TNIK: variants seen among roughly 807,000 people sequenced by gnomAD.
The protein encoded by TNIK is TRAF2 and NCK interacting kinase, also known as TRAF2 and NCK-interacting protein kinase.
TNIK carries 49 observed loss-of-function variants against 191.3 expected under a neutral mutation model. The ratio of observed to expected loss-of-function variants is 0.26; its 90% confidence interval spans 0.20 to 0.32. The LOEUF is 0.32. TNIK is among the 10% of genes least tolerant of loss of function. The pLI, the probability that TNIK is intolerant of heterozygous loss-of-function variation, is 1.00. For missense variants in TNIK, 1,155 were observed against 1,702.3 expected (o/e 0.68, Z 5.66); for synonymous variants, 594 against 600.9 (o/e 0.99, Z 0.17).
chr3:171,119,929 C>T (rs1408043126), intron 18 of TNIK, among the ~76,000 whole-genome samples: 1 of 152,086 alleles, frequency 6.6e-6, no homozygotes, highest in African/African-American at 2.4e-5. Context: ...CACATGTACC[C>T]TAAAACTTAA....
chr3:171,093,082 T>C (rs1390743054), intron 23 of TNIK, among the ~76,000 whole-genome samples: 2 of 152,240 alleles, frequency 1.3e-5, no homozygotes, highest in East Asian at 3.8e-4. Context: ...ATTTGCCCAA[T>C]GTTCTCAGCC....
chr3:171,339,203 T>C (rs1406893384), intron 2 of TNIK, among the ~76,000 whole-genome samples: 1 of 152,210 alleles, frequency 6.6e-6, no homozygotes, highest in Non-Finnish European at 1.5e-5. Flanking sequence ...GAACCTGCCA[T>C]GTGTGGGCTG....
chr3:171,090,679 T>A (rs962982488), intron 23 of TNIK, among the ~76,000 whole-genome samples: 1 of 152,152 alleles, frequency 6.6e-6, no homozygotes, highest in African/African-American at 2.4e-5. Flanking sequence ...AAAATACCTC[T>A]TCCAGCAGAT....
intron 2 of TNIK, among the ~76,000 whole-genome samples, chr3:171,280,681 T>A (rs1475251610): frequency 3.3e-5 from 5 of 150,408 alleles, no homozygotes; most frequent in African/African-American, 9.7e-5. Flanking sequence ...TCCAAAAGAA[T>A]GATCTTTCAG....
intron 1 of TNIK, among the ~76,000 whole-genome samples, chr3:171,437,853 T>C (rs1726215409): frequency 1.3e-5 from 2 of 152,242 alleles, no homozygotes; most frequent in South Asian, 4.1e-4. Flanking sequence ...AACAAAAATC[T>C]GAGGGCCTAC....
intron 12 of TNIK, among the ~76,000 whole-genome samples, chr3:171,156,241 T>C (rs1733160842): frequency 6.6e-6 from 1 of 152,224 alleles, no homozygotes; most frequent in African/African-American, 2.4e-5. Context: ...TTGTTGCTGG[T>C]CTGATACTGA....
intron 1 of TNIK, among the ~76,000 whole-genome samples, chr3:171,413,132 G>A (rs1459742261): frequency 6.6e-6 from 1 of 152,180 alleles, no homozygotes; most frequent in East Asian, 1.9e-4. Flanking sequence ...TTTTTAACTA[G>A]AGATACACAA....
intron 21 of TNIK, among the ~76,000 whole-genome samples, chr3:171,103,027 G>T (rs901634906): frequency 2.0e-5 from 3 of 152,204 alleles, no homozygotes; most frequent in Non-Finnish European, 4.4e-5. Flanking sequence ...AGTGTTAACT[G>T]AAGGGTCATT....
intron 1 of TNIK, among the ~76,000 whole-genome samples, chr3:171,443,088 A>G (rs1233858573): frequency 6.6e-6 from 1 of 152,172 alleles, no homozygotes; most frequent in Non-Finnish European, 1.5e-5. Context: ...ATTTGTTTGC[A>G]TGGAAAGAAA....
At chr3:171,331,662 T>A (rs114529523) in intron 2 of TNIK, among the ~76,000 whole-genome samples, 2,184 of 152,334 alleles carry the variant, frequency 0.014, 48 homozygotes, top group South Asian at 0.058. Context: ...AATGGATTCA[T>A]TTAAATCACT....
intron 3 of TNIK, among the ~76,000 whole-genome samples, chr3:171,222,372 G>T (rs954749): frequency 0.36 from 54,888 of 151,880 alleles, 10,671 homozygotes; most frequent in African/African-American, 0.5. Flanking sequence ...CCTAATGGAC[G>T]TTGTTTTAAG....
intron 2 of TNIK, among the ~76,000 whole-genome samples, chr3:171,313,621 T>A (rs534241463): frequency 3.5e-4 from 53 of 152,242 alleles, no homozygotes; most frequent in South Asian, 8.3e-4. Context: ...ATGATTTTTT[T>A]AAAAATTATC....
At chr3:171,279,509 T>A (rs1037494916) in intron 2 of TNIK, among the ~76,000 whole-genome samples, 1 of 152,198 alleles carries the variant, frequency 6.6e-6, no homozygotes, top group South Asian at 2.1e-4. Context: ...GCCCTCCCAC[T>A]GCAAATACAT....
chr3:171,221,346 G>A (rs1028009334), intron 3 of TNIK, among the ~76,000 whole-genome samples: 11 of 152,264 alleles, frequency 7.2e-5, no homozygotes, highest in African/African-American at 2.6e-4. Flanking sequence ...GACATCACCT[G>A]AAGGTCAAGC....
In TNIK at chr3:171,365,197, T is replaced by TTTTTTTTTTC. The variant is rs1224095923; in HGVS notation, c.123+4422_123+4423insGAAAAAAAAA. Among the ~76,000 whole-genome samples the TTTTTTTTTTC allele has an allele frequency of 6.5e-5, 7 of 107,850 alleles. 1 individual carries two copies. The South Asian group carries it at 2.2e-3, about 33-fold the overall frequency. The allele number at this position is 107,850 out of a possible 152,430, so 70.8% of individuals were successfully genotyped here. On this transcript the variant is annotated intron_variant, in intron 2 of 32. Transcript: ENST00000436636. ...TTTTTTTTTTTTTTTTTTTTTTTTT[T>TTTTTTTTTTC]TTGAGACAGAGTTTCGCTCTACTTG...
Position 171,242,425 on chromosome 3 carries a change from T to C in TNIK, c.124-14204A>G, listed in dbSNP as rs146489436. ...CTGATCTGAAAATATCAAGTCTAAT[T>C]TCAACCTAGTTGCCAGTATCTGATT... On this transcript the variant is annotated intron_variant, in intron 2 of 32. Coordinates refer to ENST00000436636, the MANE Select transcript of TNIK (RefSeq NM_015028.4). Among the ~76,000 whole-genome samples the C allele has an allele frequency of 4.6e-3, 704 of 152,240 alleles. 3 individuals carry two copies. The highest frequency in any genetic ancestry group is 7.7e-3 in the Non-Finnish European group (521 of 68,014).
At chr3:171,103,738 A>C (rs936611846) in intron 21 of TNIK, among the ~76,000 whole-genome samples, 4 of 152,022 alleles carry the variant, frequency 2.6e-5, no homozygotes, top group African/African-American at 4.8e-5. Flanking sequence ...GTTTATCTCT[A>C]TTGTTAATAA....
At chr3:171,197,721 C>T (rs1002852473) in intron 4 of TNIK, among the ~76,000 whole-genome samples, 9 of 152,120 alleles carry the variant, frequency 5.9e-5, no homozygotes, top group African/African-American at 2.2e-4. Context: ...TTTACATCTA[C>T]TAGGATGGAT....
chr3:171,311,147 G>GA (rs35537266), intron 2 of TNIK, among the ~76,000 whole-genome samples: 117 of 150,718 alleles, frequency 7.8e-4, no homozygotes, highest in Non-Finnish European at 1.4e-3. Context: ...GAGAGAGAGA[G>GA]AAAAAAAATT....
Sources: allele counts gnomAD v4.1 joint callset (sites outside exome capture counted in the v4.1 genomes callset), GRCh38; gene constraint gnomAD v4.1.1; transcripts MANE v1.5; gene names NCBI Gene and HGNC (gene_info 2026-07-23, HGNC 2026-07-21).